Variants in SLC39A10 observed in about 807,000 individuals in gnomAD.
The protein encoded by SLC39A10 is zinc transporter ZIP10.
SLC39A10 carries 13 observed loss-of-function variants against 65.1 expected under a neutral mutation model. The observed-to-expected ratio is 0.20, with a 90% CI of 0.13 to 0.32. SLC39A10 has a LOEUF of 0.32. Among genes scored for constraint, SLC39A10 ranks in the 10% least tolerant of loss-of-function variants. The pLI, the probability that SLC39A10 is intolerant of heterozygous loss-of-function variation, is 1.00. For synonymous variants in SLC39A10, 321 were observed against 342.2 expected, an observed-to-expected ratio of 0.94 and a Z score of 0.68; for missense variants, 831 against 1,018.4, an observed-to-expected ratio of 0.82 and a Z score of 2.50.
At chr2:195,703,698 G>C (rs1436349376) in intron 3 of SLC39A10, among the ~76,000 whole-genome samples, 1 of 152,108 alleles carries the variant, frequency 6.6e-6, no homozygotes, top group Non-Finnish European at 1.5e-5. Flanking sequence ...CTGTCACCCA[G>C]GCTGGAGTGC....
Position 195,702,897 on chromosome 2 carries a change from A to G in SLC39A10, c.1217-3719A>G, listed in dbSNP as rs912867959. Among the ~76,000 whole-genome samples, 4 of 152,232 alleles carry G rather than the reference A, an allele frequency of 2.6e-5. 1 individual carries two copies. The highest frequency in any genetic ancestry group is 2.0e-4 in the Admixed American group (3 of 15,280). ...TGCTGTTAATTGTTGGTCCTTTTCA[A>G]TTAGGGCACAAGTAAATTGATTTTT... is the stretch of plus-strand genomic sequence containing the variant. On this transcript the variant is annotated intron_variant, in intron 3 of 9. Transcript: ENST00000359634.
intron 2 of SLC39A10, among the ~76,000 whole-genome samples, chr2:195,631,220 A>G (rs1442973784): frequency 6.6e-6 from 1 of 151,810 alleles, no homozygotes; most frequent in Admixed American, 6.6e-5. Flanking sequence ...ATAGAGATAT[A>G]TATATCAGCT....
intron 1 of SLC39A10, among the ~76,000 whole-genome samples, chr2:195,674,852 C>CAACA (rs750590330): frequency 6.7e-4 from 84 of 125,722 alleles, no homozygotes; most frequent in Middle Eastern, 3.7e-3. Context: ...AGTTGTGATA[C>CAACA]AATAGTAAAT....
chr2:195,654,670 GGAAAAA>G (rs1388229981), upstream of SLC39A10, among the ~76,000 whole-genome samples: 2 of 151,930 alleles, frequency 1.3e-5, no homozygotes, highest in African/African-American at 2.4e-5. Flanking sequence ...TGAGGTGGCT[GGAAAAA>G]GAAAATGTCT....
chr2:195,644,899 T>TTTATTTAC (rs1688881941), intron 2 of SLC39A10, among the ~76,000 whole-genome samples: 1 of 150,000 alleles, frequency 6.7e-6, no homozygotes, highest in Non-Finnish European at 1.5e-5. Context: ...ACTTTATTTA[T>TTTATTTAC]TTATTTATTT....
intron 8 of SLC39A10, among the ~76,000 whole-genome samples, chr2:195,726,810 T>A (rs1215157202): frequency 6.6e-6 from 1 of 152,200 alleles, no homozygotes; most frequent in Non-Finnish European, 1.5e-5. Context: ...TATTTTTAGA[T>A]ACGTAGCTGT....
chr2:195,735,084 C>A lies in SLC39A10; in HGVS notation c.*43C>A. ...TGTTGATTACGAGAATGTTACCATGCAGCTTTGCATCTGTTCCTTGTACTG... is the reference window on the plus strand; with the variant it reads ...TGTTGATTACGAGAATGTTACCATGAAGCTTTGCATCTGTTCCTTGTACTG... On this transcript the variant is annotated 3_prime_UTR_variant, in exon 10 of 10. Coordinates refer to ENST00000359634, the MANE Select transcript of SLC39A10 (RefSeq NM_020342.3). The A allele has an allele frequency of 1.3e-6, 2 of 1,581,978 alleles. No individual in the cohort carries two copies. The highest frequency in any genetic ancestry group is 1.3e-5 in the African/African-American group (1 of 74,100).
chr2:195,661,529 C>T (rs954843051), intron 1 of SLC39A10, among the ~76,000 whole-genome samples: 2 of 152,158 alleles, frequency 1.3e-5, no homozygotes, highest in East Asian at 1.9e-4. Context: ...CATGAGCCAC[C>T]GTGCCCAGCC....
rs1690425644 is a variant in SLC39A10 at position 195,683,844 on chromosome 2, T to A, written c.1154T>A (p.Val385Asp). Reference sequence around the variant, plus strand: ...ATTGAGCATTTTGACAAACTTTTAGTTGAAGATATAAATAAGGATAAAAAC... The same window carrying A: ...ATTGAGCATTTTGACAAACTTTTAGATGAAGATATAAATAAGGATAAAAAC... ...LCIEHFDKLL[V>D]EDINKDKNLV... The change falls in exon 3 of 10, where the codon GTT becomes GAT. Residue 385 changes from valine to aspartate, a missense_variant. By Grantham distance (152) the Val-to-Asp change is radical. Transcript: ENST00000359634. The A allele has an allele frequency of 4.3e-6, 7 of 1,613,194 alleles. No homozygotes were observed. Among genetic ancestry groups the A allele is most frequent in the Non-Finnish European group, 5.9e-6 (7 of 1,179,482 alleles).
chr2:195,656,791 A>G (rs1415296872), upstream of SLC39A10: 1 of 152,208 alleles, frequency 6.6e-6, no homozygotes, highest in Non-Finnish European at 1.5e-5. Context: ...TTGGGTTTAG[A>G]GCTTCCATTA....
intron 2 of SLC39A10, among the ~76,000 whole-genome samples, chr2:195,633,616 A>G (rs1688638206): frequency 1.3e-5 from 2 of 152,192 alleles, no homozygotes; most frequent in African/African-American, 4.8e-5. Context: ...GAAGGATAGT[A>G]AATGTGGGAG....
In SLC39A10 at chr2:195,674,638, A is replaced by AT. The variant is rs1401673895; in HGVS notation, c.-11-5392dup. 17 of 985,140 alleles carry AT rather than the reference A, an allele frequency of 1.7e-5. No homozygotes were observed. In the East Asian group the frequency reaches 1.0e-3, roughly 59 times the overall value. The allele number at this position is 985,140 out of a possible 1,614,324, so 61.0% of individuals were successfully genotyped here. ...TCTTATTCCCCCATGTTCTGTGAGT[A>AT]TTGCCTCTCCCACATACAGTCATAT... On this transcript the variant is annotated intron_variant, in intron 1 of 9. Transcript: ENST00000359634.
chr2:195,697,122 A>AG (rs1690996298), intron 3 of SLC39A10, among the ~76,000 whole-genome samples: 1 of 152,206 alleles, frequency 6.6e-6, no homozygotes, highest in South Asian at 2.1e-4. Context: ...TGGCCAAGGC[A>AG]GAAAAATATC....
chr2:195,656,230 G>A (rs1689140772), upstream of SLC39A10, among the ~76,000 whole-genome samples: 2 of 152,160 alleles, frequency 1.3e-5, no homozygotes, highest in Non-Finnish European at 2.9e-5. Flanking sequence ...GCCTCAACAT[G>A]TGGATTAAGT....
intron 2 of SLC39A10, among the ~76,000 whole-genome samples, chr2:195,683,099 G>A (rs1690392083): frequency 6.6e-6 from 1 of 150,720 alleles, no homozygotes; most frequent in East Asian, 1.9e-4. Context: ...TGTTTTCTGC[G>A]TTGTTTTGTT....
chr2:195,709,458 C>G (rs998284305), intron 5 of SLC39A10, among the ~76,000 whole-genome samples: 1 of 152,120 alleles, frequency 6.6e-6, no homozygotes, highest in African/African-American at 2.4e-5. Context: ...TCTTGAACTC[C>G]TGGCTTCAAG....
chr2:195,635,698 A>AC (rs150403511), intron 2 of SLC39A10, among the ~76,000 whole-genome samples: 26,756 of 110,266 alleles, frequency 0.24, 2,714 homozygotes, highest in South Asian at 0.38. Flanking sequence ...TTTTTGTGGA[A>AC]CCCCCCCCAC....
In SLC39A10 at chr2:195,706,639, A is replaced by G. The variant is rs758813010; in HGVS notation, c.1240A>G (p.Ile414Val). The change falls in exon 4 of 10, where the codon ATC becomes GTC. Residue 414 changes from isoleucine to valine, a missense_variant. Around this residue, in one of 4 missense-constraint regions of SLC39A10, gnomAD observed 35 missense variants for 72.4 expected, o/e 0.48. Transcript: ENST00000359634. The part of the protein sequence containing the change: ...ASAWICGIIS[I>V]TVISLLSLLG... ...AGCCTGGATTTGTGGTATCATTTCT[A>G]TCACTGTCATTAGCCTGCTTTCCTT... is the stretch of plus-strand genomic sequence containing the variant. 4 of 1,612,134 alleles carry G rather than the reference A, an allele frequency of 2.5e-6. No individual in the cohort carries two copies. The highest frequency in any genetic ancestry group is 2.2e-5 in the East Asian group (1 of 44,660).
chr2:195,625,737 C>T (rs1688460065), intron 2 of SLC39A10, among the ~76,000 whole-genome samples: 2 of 152,108 alleles, frequency 1.3e-5, no homozygotes, highest in African/African-American at 4.8e-5. Flanking sequence ...TTGTTCATTC[C>T]GGATTGCTCA....
Sources: gnomAD v4.1 joint callset for allele counts (sites outside exome capture counted in the v4.1 genomes callset) on GRCh38, gnomAD v4.1.1 for gene constraint, gnomAD v4.1.1 regional missense constraint, MANE v1.5 for transcripts, NCBI Gene and HGNC (gene_info 2026-07-23, HGNC 2026-07-21) for gene names.